The following ALK variants were observed in gnomAD, a reference collection of about 807,000 sequenced individuals.
The protein encoded by ALK is ALK tyrosine kinase receptor.
In ALK, 74 loss-of-function variants were observed where a neutral mutation model predicts 163.1. The observed-to-expected ratio is 0.45, with a 90% confidence interval of 0.38 to 0.55. ALK has a LOEUF of 0.55. ALK is among the 20% of genes least tolerant of loss of function. The probability of loss-of-function intolerance (pLI) is 0.00; values close to 1 mark genes in which losing one functional copy is unlikely to be tolerated. For missense variants in ALK, 2,063 were observed against 2,105.3 expected, an observed-to-expected ratio of 0.98 and a Z score of 0.39; for synonymous variants, 960 against 843.2, an observed-to-expected ratio of 1.14 and a Z score of -2.40.
At chr2:29,806,775 T>G (rs923854116) in intron 1 of ALK, among the ~76,000 whole-genome samples, 1 of 152,104 alleles carries the variant, frequency 6.6e-6, no homozygotes, top group Non-Finnish European at 1.5e-5. Flanking sequence ...GCATAGGGTA[T>G]GTACAGGCAC....
At chr2:29,546,127 C>T (rs377179520) in intron 3 of ALK, among the ~76,000 whole-genome samples, 24 of 152,222 alleles carry the variant, frequency 1.6e-4, no homozygotes, top group East Asian at 5.8e-4. Flanking sequence ...TGGAGGAGTA[C>T]GTTTTTATAT....
At chr2:29,370,224 G>T (rs749695201) in intron 5 of ALK, among the ~76,000 whole-genome samples, 1 of 152,228 alleles carries the variant, frequency 6.6e-6, no homozygotes, top group Non-Finnish European at 1.5e-5. Flanking sequence ...TCAGGACAGA[G>T]GCTTTGAGCT....
chr2:29,833,823 T>A (rs1665485994), intron 1 of ALK, among the ~76,000 whole-genome samples: 1 of 152,144 alleles, frequency 6.6e-6, no homozygotes, highest in Admixed American at 6.5e-5. Flanking sequence ...TCTTGAAAAA[T>A]TACAAACATA....
At position 29,318,386 on chromosome 2, in the gene ALK, C is replaced by T. The variant is rs1553409333; in HGVS notation, c.1565G>A (p.Ser522Asn). 1 of 1,613,346 alleles carries T rather than the reference C, an allele frequency of 6.2e-7. No individual in the cohort carries two copies. ...QDHQDHALLL[S>N]TTDVPASESA... ...TTCAGAAGCGGGGACATCAGTGGTA[C>T]TGAGCAATAGAGCATGGTCTAGGAG... The change falls in exon 8 of 29, where the codon AGT becomes AAT. Residue 522 changes from serine (S) to asparagine (N), a missense_variant. Ser to Asn is a conservative substitution (Grantham distance 46, BLOSUM62 1). Coordinates refer to ENST00000389048, the MANE Select transcript of ALK (RefSeq NM_004304.5).
At chr2:29,631,139 A>G (rs1023064529) in intron 3 of ALK, among the ~76,000 whole-genome samples, 2 of 152,234 alleles carry the variant, frequency 1.3e-5, no homozygotes, top group Non-Finnish European at 2.9e-5. Flanking sequence ...AAGATTTGGG[A>G]AAAACTTGGG....
intron 5 of ALK, among the ~76,000 whole-genome samples, chr2:29,375,300 T>C (rs1668728249): frequency 9.0e-6 from 1 of 110,746 alleles, no homozygotes. Context: ...TTGTTATCCC[T>C]ATTTTATTTT....
chr2:29,196,636 A>G, intron 28 of ALK, 134 bp downstream of exon 28: 1 of 759,886 alleles, frequency 1.3e-6, no homozygotes, highest in East Asian at 2.5e-5. Flanking sequence ...CATTTTAGAG[A>G]AAATTAATTT....
intron 3 of ALK, among the ~76,000 whole-genome samples, chr2:29,685,243 T>C (rs1678201398): frequency 6.6e-6 from 1 of 152,138 alleles, no homozygotes; most frequent in Non-Finnish European, 1.5e-5. Context: ...AGGAGCTTCA[T>C]AGAAACCGAG....
At chr2:29,341,699 G>A (rs1423453012) in intron 5 of ALK, among the ~76,000 whole-genome samples, 1 of 152,218 alleles carries the variant, frequency 6.6e-6, no homozygotes, top group Non-Finnish European at 1.5e-5. Context: ...TGCAGTGGAT[G>A]GGCCATTCTT....
intron 3 of ALK, among the ~76,000 whole-genome samples, chr2:29,584,396 G>A (rs1477077178): frequency 1.3e-5 from 2 of 152,194 alleles, no homozygotes; most frequent in Non-Finnish European, 2.9e-5. Context: ...AGTGAAATTA[G>A]TCAAATAAAT....
At chr2:29,393,287 T>C (rs1402611697) in intron 4 of ALK, among the ~76,000 whole-genome samples, 1 of 152,182 alleles carries the variant, frequency 6.6e-6, no homozygotes, top group East Asian at 1.9e-4. Context: ...TCCCCTCCTG[T>C]CTCTCGCCCC....
chr2:29,223,427 A>C lies in ALK; in HGVS notation c.3274T>G (p.Tyr1092Asp). 1 of 1,614,198 alleles carries C rather than the reference A, an allele frequency of 6.2e-7. No homozygotes were observed. The highest frequency in any genetic ancestry group is 8.5e-7 in the Non-Finnish European group (1 of 1,180,040). Residue 1092 changes from tyrosine to aspartate, a missense_variant, in exon 20 of 29, where the codon TAC becomes GAC. Tyr to Asp is a radical substitution (Grantham distance 160). This residue lies in a region of ALK where 575 missense variants were observed against 626.6 expected (regional missense o/e 0.92). Coordinates refer to ENST00000389048, the MANE Select transcript of ALK (RefSeq NM_004304.5). ...KLRTSTIMTD[Y>D]NPNYCFAGKT... Reference sequence around the variant, plus strand: ...CCAGCAAAGCAGTAGTTGGGGTTGTAGTCGGTCATGATGGTCGAGGTGCGG... The same window carrying C: ...CCAGCAAAGCAGTAGTTGGGGTTGTCGTCGGTCATGATGGTCGAGGTGCGG...
rs370471229 is a variant in ALK at position 29,422,356 on chromosome 2, T to C, written c.1155-38497A>G. Among the ~76,000 whole-genome samples, 9 of 151,352 alleles carry C rather than the reference T, an allele frequency of 5.9e-5. No individual in the cohort carries two copies. In the East Asian group the frequency reaches 7.7e-4, roughly 13 times the overall value. ...GGAAAGAGGCTTGTGAATGACTGAC[T>C]ACATGTACCTAATTGGTGGGGTTCT... On this transcript the variant is annotated intron_variant, in intron 4 of 28. Coordinates refer to ENST00000389048, the MANE Select transcript of ALK (RefSeq NM_004304.5).
chr2:29,805,515 C>T (rs560610448), intron 1 of ALK, among the ~76,000 whole-genome samples: 2 of 152,198 alleles, frequency 1.3e-5, no homozygotes, highest in African/African-American at 4.8e-5. Context: ...CCAGACAGGC[C>T]CCAGTGTGTG....
At chr2:29,832,346 G>A (rs894833466) in intron 1 of ALK, among the ~76,000 whole-genome samples, 3 of 152,174 alleles carry the variant, frequency 2.0e-5, no homozygotes, top group African/African-American at 7.2e-5. Flanking sequence ...GAGAAGCAGA[G>A]GCAGAGCCTG....
chr2:29,433,639 G>GT (rs1178932797), intron 4 of ALK, among the ~76,000 whole-genome samples: 1 of 152,028 alleles, frequency 6.6e-6, no homozygotes, highest in African/African-American at 2.4e-5. Context: ...ATGAAAATAT[G>GT]TAACAGGTAA....
intron 4 of ALK, among the ~76,000 whole-genome samples, chr2:29,470,194 A>G (rs1395402322): frequency 6.6e-6 from 1 of 152,138 alleles, no homozygotes; most frequent in Non-Finnish European, 1.5e-5. Flanking sequence ...ATTGAATAAT[A>G]GGAAGAAGAA....
intron 4 of ALK, among the ~76,000 whole-genome samples, chr2:29,402,379 G>A (rs1253302595): frequency 6.6e-6 from 1 of 152,228 alleles, no homozygotes; most frequent in Admixed American, 6.5e-5. Context: ...GACACAGCAT[G>A]GTCCAGAGGA....
intron 4 of ALK, among the ~76,000 whole-genome samples, chr2:29,448,167 T>C (rs753452289): frequency 2.0e-5 from 3 of 152,156 alleles, no homozygotes; most frequent in Non-Finnish European, 2.9e-5. Flanking sequence ...ACGGACACAG[T>C]TCGAATCAAA....
Sources: allele counts gnomAD v4.1 joint callset (sites outside exome capture counted in the v4.1 genomes callset), GRCh38; gene constraint gnomAD v4.1.1; regional missense constraint gnomAD v4.1.1; transcripts MANE v1.5; gene names NCBI Gene and HGNC (gene_info 2026-07-23, HGNC 2026-07-21).